Variants in CDH13 observed in about 807,000 individuals in gnomAD.
CDH13 encodes cadherin 13.
In CDH13, 24 loss-of-function variants were observed where a neutral mutation model predicts 63.8. The ratio of observed to expected loss-of-function variants is 0.38; its 90% CI spans 0.27 to 0.53. CDH13 has a LOEUF of 0.53. Among genes scored for constraint, CDH13 ranks in the 20% least tolerant of loss-of-function variants. The pLI is 0.85. For missense variants in CDH13, 1,049 were observed against 903.1 expected, an observed-to-expected ratio of 1.16 and a Z score of -2.07; for synonymous variants, 503 against 355.3, an observed-to-expected ratio of 1.42 and a Z score of -4.67.
chr16:83,349,788 A>G (rs1251406193), intron 6 of CDH13, among the ~76,000 whole-genome samples: 3 of 151,898 alleles, frequency 2.0e-5, no homozygotes, highest in Non-Finnish European at 2.9e-5. Flanking sequence ...TTTAGTAGAG[A>G]TGGGGTTTCA....
chr16:82,814,406 C>G (rs1349082128), intron 1 of CDH13, among the ~76,000 whole-genome samples: 1 of 152,106 alleles, frequency 6.6e-6, no homozygotes, highest in Non-Finnish European at 1.5e-5. Context: ...ACCCCACCTC[C>G]AGGGAGGAAA....
At chr16:83,048,466 A>G (rs1435553847) in intron 3 of CDH13, among the ~76,000 whole-genome samples, 1 of 152,110 alleles carries the variant, frequency 6.6e-6, no homozygotes. Context: ...CCCTGTAATT[A>G]TTCATCTTTA....
intron 6 of CDH13, among the ~76,000 whole-genome samples, chr16:83,380,043 CATAAAATATACCAT>C (rs1340908088): frequency 6.6e-6 from 1 of 150,648 alleles, no homozygotes; most frequent in Non-Finnish European, 1.5e-5. Context: ...TAAACATATA[CATAAAATATACCAT>C]ATTATTCTCA....
intron 1 of CDH13, among the ~76,000 whole-genome samples, chr16:82,774,120 GA>G (rs1302502093): frequency 6.8e-6 from 1 of 147,738 alleles, no homozygotes; most frequent in Non-Finnish European, 1.5e-5. Flanking sequence ...CTCATCATTG[GA>G]ATTCTCTTTA....
At chr16:83,045,551 C>T (rs990375803) in intron 3 of CDH13, among the ~76,000 whole-genome samples, 7 of 149,552 alleles carry the variant, frequency 4.7e-5, no homozygotes, top group Admixed American at 2.0e-4. Context: ...GCAGGAGAAT[C>T]GCTCGAACTC....
chr16:83,120,310 C>T (rs1043605200), intron 3 of CDH13, among the ~76,000 whole-genome samples: 1 of 152,182 alleles, frequency 6.6e-6, no homozygotes, highest in African/African-American at 2.4e-5. Context: ...GCTGGGAGGA[C>T]ACCAGAGGTA....
At chr16:83,709,784 G>C (rs886478289) in intron 10 of CDH13, among the ~76,000 whole-genome samples, 8 of 152,220 alleles carry the variant, frequency 5.3e-5, no homozygotes, top group Admixed American at 3.3e-4. Context: ...TAGGGTCTGA[G>C]TATTCACTCT....
intron 1 of CDH13, among the ~76,000 whole-genome samples, chr16:82,786,866 G>A (rs766286863): frequency 6.6e-6 from 1 of 151,960 alleles, no homozygotes; most frequent in Non-Finnish European, 1.5e-5. Context: ...AGTATTCCAT[G>A]GTGTGTATGT....
chr16:83,650,424 A>G (rs1038224632), intron 8 of CDH13, among the ~76,000 whole-genome samples: 1 of 152,340 alleles, frequency 6.6e-6, no homozygotes, highest in Non-Finnish European at 1.5e-5. Context: ...GTTTGAATCT[A>G]TGACCAAATA....
Position 83,342,703 on chromosome 16 carries a change from T to C in CDH13, c.637-2159T>C, listed in dbSNP as rs370602438. 1.6e-4 allele frequency among the ~76,000 whole-genome samples: 25 copies of C among 152,290 alleles called. No homozygotes were observed. In the South Asian group the frequency reaches 5.2e-3, roughly 32 times the overall value. ...TCTGCCCTTCCCAGTTTCAGCATAT[T>C]TGAATATTTGGCAAATGTGAATTCT... is the stretch of plus-strand genomic sequence containing the variant. On this transcript the variant is annotated intron_variant, in intron 5 of 13. Transcript: ENST00000567109.
intron 6 of CDH13, among the ~76,000 whole-genome samples, chr16:83,375,334 G>C (rs1037526821): frequency 2.0e-5 from 3 of 152,214 alleles, no homozygotes; most frequent in African/African-American, 7.2e-5. Flanking sequence ...CTGAGCTCAT[G>C]GTTTGTGGTT....
intron 1 of CDH13, among the ~76,000 whole-genome samples, chr16:82,779,509 G>A (rs1194633440): frequency 6.6e-6 from 1 of 152,164 alleles, no homozygotes; most frequent in Non-Finnish European, 1.5e-5. Flanking sequence ...CAAAAAAGAG[G>A]GTCTGGGAAT....
chr16:82,795,168 G>C (rs1019858481), intron 1 of CDH13, among the ~76,000 whole-genome samples: 2 of 152,206 alleles, frequency 1.3e-5, no homozygotes, highest in African/African-American at 2.4e-5. Context: ...TGTTGGCATG[G>C]AAGTTTTAGC....
intron 8 of CDH13, among the ~76,000 whole-genome samples, chr16:83,607,092 T>C (rs1298246469): frequency 6.6e-6 from 1 of 152,074 alleles, no homozygotes; most frequent in Non-Finnish European, 1.5e-5. Flanking sequence ...GGAGATACTT[T>C]AAAGGTTACT....
intron 2 of CDH13, among the ~76,000 whole-genome samples, chr16:82,966,051 G>A (rs912382271): frequency 1.3e-5 from 2 of 152,202 alleles, no homozygotes; most frequent in African/African-American, 4.8e-5. Context: ...TGGCAGGCAG[G>A]CTCAGGCATT....
chr16:83,048,408 C>G (rs760603750), intron 3 of CDH13, among the ~76,000 whole-genome samples: 1 of 152,154 alleles, frequency 6.6e-6, no homozygotes, highest in Non-Finnish European at 1.5e-5. Context: ...ATTCACGCTC[C>G]TGGACCTGTG....
At chr16:83,508,985 C>A (rs1200004726) in intron 7 of CDH13, among the ~76,000 whole-genome samples, 1 of 152,196 alleles carries the variant, frequency 6.6e-6, no homozygotes, top group Non-Finnish European at 1.5e-5. Flanking sequence ...CATCACAGCT[C>A]TGTGTGCATG....
chr16:83,408,577 T>A (rs1050557981), intron 6 of CDH13, among the ~76,000 whole-genome samples: 1 of 152,172 alleles, frequency 6.6e-6, no homozygotes, highest in Admixed American at 6.5e-5. Flanking sequence ...TAAAATGGTA[T>A]CCCTGTATAG....
intron 4 of CDH13, among the ~76,000 whole-genome samples, chr16:83,152,356 CAT>C (rs1378246710): frequency 1.3e-5 from 2 of 152,028 alleles, no homozygotes; most frequent in East Asian, 3.9e-4. Flanking sequence ...AATTTTTAAA[CAT>C]ATAGAAAAAT....
Sources: allele counts gnomAD v4.1 joint callset (sites outside exome capture counted in the v4.1 genomes callset), GRCh38; gene constraint gnomAD v4.1.1; transcripts MANE v1.5; gene names NCBI Gene and HGNC (gene_info 2026-07-23, HGNC 2026-07-21).